LIN28B: variants seen among roughly 807,000 people sequenced by gnomAD.
The protein encoded by LIN28B is protein lin-28 homolog B.
LIN28B carries 5 observed loss-of-function variants against 21.9 expected under a neutral mutation model. That is an observed-to-expected ratio of 0.23 (90% confidence interval 0.12 to 0.48). The LOEUF is 0.48. LIN28B is among the 20% of genes least tolerant of loss of function. LIN28B has a pLI of 0.98. For missense variants in LIN28B, 245 were observed against 310.5 expected (o/e 0.79, Z 1.58); for synonymous variants, 109 against 111.3 (o/e 0.98, Z 0.13).
At chr6:104,964,841 A>G (rs944725935) in intron 2 of LIN28B, among the ~76,000 whole-genome samples, 1 of 152,212 alleles carries the variant, frequency 6.6e-6, no homozygotes, top group East Asian at 1.9e-4. Context: ...TTCTTTTCCA[A>G]TATCTAAATA....
At chr6:105,032,028 A>G (rs891569331) in intron 3 of LIN28B, among the ~76,000 whole-genome samples, 1 of 152,208 alleles carries the variant, frequency 6.6e-6, no homozygotes, top group Admixed American at 6.5e-5. Flanking sequence ...GGAATCATAC[A>G]GTGTGTAACA....
intron 3 of LIN28B, among the ~76,000 whole-genome samples, chr6:105,059,128 G>A (rs1022371409): frequency 6.6e-6 from 1 of 152,034 alleles, no homozygotes; most frequent in East Asian, 1.9e-4. Flanking sequence ...AAATCCAGCA[G>A]TCTATTTTAA....
At chr6:105,000,610 T>C (rs1770701084) in intron 2 of LIN28B, among the ~76,000 whole-genome samples, 1 of 152,002 alleles carries the variant, frequency 6.6e-6, no homozygotes, top group Non-Finnish European at 1.5e-5. Flanking sequence ...TGGATTTCTG[T>C]TGCACTAGTG....
At position 105,082,565 on chromosome 6, in the gene LIN28B, T is replaced by A. The variant is rs1772560648; in HGVS notation, c.*3782T>A. On this transcript the variant is annotated 3_prime_UTR_variant, in exon 4 of 4. Transcript: ENST00000345080. ...TTGGGAAAGTATGTACAAGTGCAGCTGCACTGACTTTAATTTTCTAGATGT... is the reference window on the plus strand; with the variant it reads ...TTGGGAAAGTATGTACAAGTGCAGCAGCACTGACTTTAATTTTCTAGATGT... 6.5e-6 allele frequency: 1 copy of A among 152,692 alleles called. No homozygotes were observed. The highest frequency in any genetic ancestry group is 1.5e-5 in the Non-Finnish European group (1 of 68,048). 9.5% of individuals were successfully genotyped at this position (152,692 alleles called of 1,614,324 possible). A position where few individuals can be genotyped will look rare whatever the true frequency, so the allele number is the denominator to read the frequency against.
chr6:105,066,477 G>GTA (rs1464766846), intron 3 of LIN28B, among the ~76,000 whole-genome samples: 4 of 152,070 alleles, frequency 2.6e-5, no homozygotes, highest in African/African-American at 9.7e-5. Flanking sequence ...ATCTAATCTT[G>GTA]TATGTACAGT....
chr6:105,062,388 T>G (rs929698078), intron 3 of LIN28B, among the ~76,000 whole-genome samples: 4 of 152,186 alleles, frequency 2.6e-5, no homozygotes, highest in African/African-American at 4.8e-5. Context: ...AAATCTACAT[T>G]TTATTAGCCA....
In LIN28B at chr6:105,034,275, A is replaced by G. The variant is rs920964723; in HGVS notation, c.383+7793A>G. Reference sequence around the variant, plus strand: ...ACATATTCCAAGAAGTGTCATTCATAATAATGCAGTGTTGACTTGAATTTT... The same window carrying G: ...ACATATTCCAAGAAGTGTCATTCATGATAATGCAGTGTTGACTTGAATTTT... On this transcript the variant is annotated intron_variant, in intron 3 of 3. Transcript: ENST00000345080. Among the ~76,000 whole-genome samples the G allele has an allele frequency of 3.3e-5, 5 of 152,080 alleles. No individual in the cohort carries two copies. The East Asian group carries it at 7.7e-4, about 23-fold the overall frequency.
chr6:104,943,005 A>G (rs1334037174), intron 2 of LIN28B, among the ~76,000 whole-genome samples: 1 of 152,026 alleles, frequency 6.6e-6, no homozygotes, highest in East Asian at 1.9e-4. Context: ...TAGACTTCAG[A>G]AACAATAAAA....
chr6:104,949,519 A>G (rs1778195645), intron 2 of LIN28B, among the ~76,000 whole-genome samples: 1 of 152,192 alleles, frequency 6.6e-6, no homozygotes, highest in South Asian at 2.1e-4. Context: ...TCCTTTTGAG[A>G]AGAAAATTAG....
At chr6:104,991,847 C>A (rs1325812836) in intron 2 of LIN28B, among the ~76,000 whole-genome samples, 3 of 152,114 alleles carry the variant, frequency 2.0e-5, no homozygotes, top group Non-Finnish European at 4.4e-5. Flanking sequence ...CCCGTCTCCA[C>A]CAAAAAAATA....
chr6:105,078,583 C>G lies in LIN28B; in HGVS notation c.553C>G (p.Gln185Glu). The stretch of plus-strand genomic sequence containing the variant: ...TCAGGGAAGACAGGAAGCAGAATCC[C>G]AGCCATGCACTTCAACTCTCCCTCG... ...SSQGRQEAES[Q>E]PCTSTLPREV... Residue 185 changes from glutamine (Q) to glutamate (E), a missense_variant, in exon 4 of 4, where the codon CAG becomes GAG. Physicochemically the swap from Gln to Glu is conservative, Grantham distance 29. Coordinates refer to ENST00000345080, the MANE Select transcript of LIN28B (RefSeq NM_001004317.4). 1 of 1,614,114 alleles carries G rather than the reference C, an allele frequency of 6.2e-7. No individual in the cohort carries two copies. Among genetic ancestry groups the G allele is most frequent in the East Asian group, 2.2e-5 (1 of 44,870 alleles).
chr6:104,975,327 A>T (rs2114596673), intron 2 of LIN28B, among the ~76,000 whole-genome samples: 1 of 152,198 alleles, frequency 6.6e-6, no homozygotes, highest in South Asian at 2.1e-4. Context: ...CTCTCTGTTA[A>T]TTCCTCTGCA....
At chr6:105,030,592 CTTTTT>C (rs980799980) in intron 3 of LIN28B, among the ~76,000 whole-genome samples, 1 of 106,596 alleles carries the variant, frequency 9.4e-6, no homozygotes, top group African/African-American at 3.6e-5. Context: ...TTCTTTCTTT[CTTTTT>C]TTTTTTTTTT....
chr6:104,991,301 CG>C (rs1292204999), intron 2 of LIN28B, among the ~76,000 whole-genome samples: 1 of 150,162 alleles, frequency 6.7e-6, no homozygotes, highest in Non-Finnish European at 1.5e-5. Flanking sequence ...TCGGACGGGG[CG>C]GCTGCCGCGC....
chr6:104,969,008 A>G (rs1349426013), intron 2 of LIN28B, among the ~76,000 whole-genome samples: 1 of 152,204 alleles, frequency 6.6e-6, no homozygotes, highest in Non-Finnish European at 1.5e-5. Context: ...CCAAGTTAGT[A>G]ACACTTTTCA....
intron 3 of LIN28B, among the ~76,000 whole-genome samples, chr6:105,072,516 CTA>C (rs1772351137): frequency 6.6e-6 from 1 of 151,988 alleles, no homozygotes; most frequent in Non-Finnish European, 1.5e-5. Context: ...ATGCTGGCTT[CTA>C]TATTCCAGAA....
At chr6:105,006,819 A>G (rs569017376) in intron 2 of LIN28B, among the ~76,000 whole-genome samples, 52 of 152,308 alleles carry the variant, frequency 3.4e-4, no homozygotes, top group South Asian at 2.3e-3. Flanking sequence ...TGCACTAGCT[A>G]GCTCTTACAG....
intron 2 of LIN28B, among the ~76,000 whole-genome samples, chr6:104,988,597 G>A (rs1436377487): frequency 1.5e-5 from 2 of 129,362 alleles, no homozygotes; most frequent in Non-Finnish European, 3.2e-5. Context: ...TTCTGAGACA[G>A]AGTCTACTCT....
At chr6:104,959,627 CAG>C (rs1769685288) in intron 2 of LIN28B, among the ~76,000 whole-genome samples, 1 of 152,170 alleles carries the variant, frequency 6.6e-6, no homozygotes, top group Non-Finnish European at 1.5e-5. Flanking sequence ...TGAATTGAAA[CAG>C]GGTTTAAGTA....
Sources: allele counts gnomAD v4.1 joint callset (sites outside exome capture counted in the v4.1 genomes callset), GRCh38; gene constraint gnomAD v4.1.1; transcripts MANE v1.5; gene names NCBI Gene and HGNC (gene_info 2026-07-23, HGNC 2026-07-21).